TMEM45B: variants seen among roughly 807,000 people sequenced by gnomAD.
TMEM45B encodes transmembrane protein 45B.
TMEM45B carries 29 observed loss-of-function variants against 27.3 expected under a neutral mutation model. That is an observed-to-expected ratio of 1.06 (90% CI 0.79 to 1.45). The LOEUF is 1.45. TMEM45B is among the 40% of genes most tolerant of loss of function. The pLI, the probability that TMEM45B is intolerant of heterozygous loss-of-function variation, is 0.00. For missense variants in TMEM45B, 348 were observed against 343.9 expected, an observed-to-expected ratio of 1.01 and a Z score of -0.09; for synonymous variants, 143 against 134.7, an observed-to-expected ratio of 1.06 and a Z score of -0.43.
At chr11:129,819,432 C>A (rs1045552634) in intron 1 of TMEM45B, among the ~76,000 whole-genome samples, 3 of 152,168 alleles carry the variant, frequency 2.0e-5, no homozygotes, top group Non-Finnish European at 2.9e-5. Flanking sequence ...CCCGCACCAC[C>A]CTCCTTAGCA....
intron 1 of TMEM45B, among the ~76,000 whole-genome samples, chr11:129,840,895 G>A (rs573751928): frequency 7.4e-6 from 1 of 135,720 alleles, no homozygotes; most frequent in South Asian, 2.5e-4. Context: ...TAATAACGAG[G>A]AGAAGGCCTT....
chr11:129,852,654 G>A lies in TMEM45B; in HGVS notation c.172G>A (p.Val58Ile), dbSNP rs78031342. 7,209 of 1,603,912 alleles carry A rather than the reference G, an allele frequency of 4.5e-3. 269 individuals are homozygous for A. In the African/African-American group the frequency reaches 0.082, roughly 18 times the overall value. ...VEAAIRTLFS[V>I]TGILAEQFVP... ...AGCCGCAATTAGGACTTTGTTTTCCGTCACTGGTAAGAGCAGGGGTCATTT... is the reference window on the plus strand; with the variant it reads ...AGCCGCAATTAGGACTTTGTTTTCCATCACTGGTAAGAGCAGGGGTCATTT... Residue 58 changes from valine to isoleucine, a missense_variant, in exon 2 of 6, where the codon GTC becomes ATC. Coordinates refer to ENST00000281441, the MANE Select transcript of TMEM45B (RefSeq NM_138788.5).
chr11:129,821,951 G>A (rs1947424532), intron 1 of TMEM45B, among the ~76,000 whole-genome samples: 1 of 152,132 alleles, frequency 6.6e-6, no homozygotes, highest in Admixed American at 6.5e-5. Context: ...TCAGTTCTGA[G>A]TGGTTTTCTT....
chr11:129,846,931 G>A (rs975137738), intron 1 of TMEM45B, among the ~76,000 whole-genome samples: 3 of 152,200 alleles, frequency 2.0e-5, no homozygotes, highest in Admixed American at 6.5e-5. Flanking sequence ...GGGATCCAGT[G>A]TGGCAGGGGA....
At chr11:129,844,178 C>T (rs1232877609) in intron 1 of TMEM45B, among the ~76,000 whole-genome samples, 1 of 152,064 alleles carries the variant, frequency 6.6e-6, no homozygotes, top group Non-Finnish European at 1.5e-5. Flanking sequence ...AGACCTTATA[C>T]TAAGGGAAAT....
At chr11:129,852,368 C>T (rs1349104286) in intron 1 of TMEM45B, 107 bp from the exon 2 acceptor site, 6 of 960,520 alleles carry the variant, frequency 6.2e-6, no homozygotes, top group African/African-American at 4.9e-5. Context: ...TCCTTCTTAA[C>T]GTGGCTTATG....
At chr11:129,828,238 C>T (rs1947509334) in intron 1 of TMEM45B, 1 of 152,156 alleles carries the variant, frequency 6.6e-6, no homozygotes, top group African/African-American at 2.4e-5. Context: ...GCTCAGGAAC[C>T]AAAACGAGCT....
At chr11:129,850,285 C>A (rs1267405376) in intron 1 of TMEM45B, 1 of 152,246 alleles carries the variant, frequency 6.6e-6, no homozygotes, top group Non-Finnish European at 1.5e-5. Context: ...CTGCCTCAGT[C>A]TCCCGAGTAG....
intron 1 of TMEM45B, 97 bp from the exon 2 acceptor site, chr11:129,852,376 ATG>A: frequency 9.4e-7 from 1 of 1,064,594 alleles, no homozygotes. Context: ...AACGTGGCTT[ATG>A]ATTTGCAATC....
At chr11:129,825,861 T>C (rs776938768) in intron 1 of TMEM45B, among the ~76,000 whole-genome samples, 64 of 152,218 alleles carry the variant, frequency 4.2e-4, no homozygotes, top group Admixed American at 1.2e-3. Context: ...CTCCATGACT[T>C]TGGAGAGATC....
intron 1 of TMEM45B, among the ~76,000 whole-genome samples, chr11:129,818,300 G>A (rs1947376714): frequency 6.6e-6 from 1 of 152,204 alleles, no homozygotes; most frequent in African/African-American, 2.4e-5. Context: ...AAGCTAAAAG[G>A]TCTATCAGCC....
At chr11:129,857,537 G>A in intron 5 of TMEM45B, 79 bp downstream of exon 5, 3 of 1,551,222 alleles carry the variant, frequency 1.9e-6, no homozygotes, top group Non-Finnish European at 2.6e-6. Flanking sequence ...CATCTGATGA[G>A]TGCCGACTAC....
intron 1 of TMEM45B, among the ~76,000 whole-genome samples, chr11:129,843,060 C>T (rs1050212025): frequency 9.2e-5 from 14 of 152,234 alleles, no homozygotes; most frequent in African/African-American, 3.4e-4. Context: ...CTGCCTCAGC[C>T]TCCCGAGTGG....
At chr11:129,831,851 A>G (rs1392858663) in intron 1 of TMEM45B, among the ~76,000 whole-genome samples, 1 of 151,974 alleles carries the variant, frequency 6.6e-6, no homozygotes. Context: ...GCAGATCACA[A>G]GGTCACCAGT....
chr11:129,818,718 A>G (rs1385739950), intron 1 of TMEM45B, among the ~76,000 whole-genome samples: 3 of 152,234 alleles, frequency 2.0e-5, no homozygotes, highest in Admixed American at 2.0e-4. Flanking sequence ...AAATTTAGAA[A>G]CTCTCTCGTT....
chr11:129,826,342 G>T (rs1947478620), intron 1 of TMEM45B, among the ~76,000 whole-genome samples: 1 of 151,894 alleles, frequency 6.6e-6, no homozygotes, highest in African/African-American at 2.4e-5. Flanking sequence ...GAGGTCAGGA[G>T]ATCGAGACCA....
At chr11:129,823,253 ACTTGGAG>A (rs1186831076) in intron 1 of TMEM45B, among the ~76,000 whole-genome samples, 1 of 152,182 alleles carries the variant, frequency 6.6e-6, no homozygotes, top group African/African-American at 2.4e-5. Context: ...GATCATCAAA[ACTTGGAG>A]CAGATTCATG....
chr11:129,820,364 G>A (rs1947404466), intron 1 of TMEM45B, among the ~76,000 whole-genome samples: 1 of 152,146 alleles, frequency 6.6e-6, no homozygotes, highest in African/African-American at 2.4e-5. Flanking sequence ...AATAAGGCGG[G>A]GGGAGAATGA....
Position 129,858,707 on chromosome 11 carries a change from A to G in TMEM45B, c.*22A>G, listed in dbSNP as rs1947966736. 1 of 1,504,682 alleles carries G rather than the reference A, an allele frequency of 6.6e-7. No individual in the cohort carries two copies. The highest frequency in any genetic ancestry group is 9.1e-7 in the Non-Finnish European group (1 of 1,104,682). 93.2% of individuals were successfully genotyped at this position (1,504,682 alleles called of 1,614,324 possible). On this transcript the variant is annotated 3_prime_UTR_variant, in exon 6 of 6. Transcript: ENST00000281441. Reference sequence around the variant, plus strand: ...ATGAGCCGAGATGCGGAGGGCGCAGATGTCCCACTGCACAGCTGGAATGAA... The same window carrying G: ...ATGAGCCGAGATGCGGAGGGCGCAGGTGTCCCACTGCACAGCTGGAATGAA...
Sources: allele counts gnomAD v4.1 joint callset (sites outside exome capture counted in the v4.1 genomes callset), GRCh38; gene constraint gnomAD v4.1.1; transcripts MANE v1.5; gene names NCBI Gene and HGNC (gene_info 2026-07-23, HGNC 2026-07-21).